The following ASAP3 variants were observed in gnomAD, a reference collection of about 807,000 sequenced individuals.
The protein encoded by ASAP3 is arf-GAP with SH3 domain, ANK repeat and PH domain-containing protein 3.
Under a neutral mutation model 118.2 loss-of-function variants are expected in ASAP3, and 85 were observed. The observed-to-expected ratio is 0.72, with a 90% CI of 0.60 to 0.86. The LOEUF (loss-of-function observed/expected upper bound fraction) is 0.86. ASAP3 is among the 40% of genes least tolerant of loss of function. The pLI, the probability that ASAP3 is intolerant of heterozygous loss-of-function variation, is 0.00. For missense variants in ASAP3, 1,026 were observed against 1,175.0 expected, an observed-to-expected ratio of 0.87 and a Z score of 1.85; for synonymous variants, 432 against 477.4, an observed-to-expected ratio of 0.90 and a Z score of 1.24.
At position 23,484,165 on chromosome 1, in the gene ASAP3, G is replaced by A. The variant is rs71514236; in HGVS notation, c.-32C>T. 0.66 allele frequency: 818,546 copies of A among 1,246,726 alleles called. 277,880 individuals are homozygous for A. The highest frequency in any genetic ancestry group is 0.69 in the Non-Finnish European group (687,852 of 996,132). 77.2% of individuals were successfully genotyped at this position (1,246,726 alleles called of 1,614,324 possible). A position where few individuals can be genotyped will look rare whatever the true frequency, so the allele number is the denominator to read the frequency against. On this transcript the variant is annotated 5_prime_UTR_variant, in exon 1 of 25. Transcript: ENST00000336689. ...CGCGAGCGTGGAGCTGCCGGAGCGG[G>A]GCGCGGGGGGCACTGAGCTGCTCCG...
chr1:23,447,512 G>A (rs1340057399), intron 5 of ASAP3, among the ~76,000 whole-genome samples: 8 of 152,106 alleles, frequency 5.3e-5, no homozygotes, highest in African/African-American at 1.9e-4. Flanking sequence ...CATCCACTGG[G>A]GGTCTCGGAA....
Position 23,483,989 on chromosome 1 carries a change from G to A in ASAP3, c.129+16C>T, listed in dbSNP as rs1570430278. 3 of 1,275,918 alleles carry A rather than the reference G, an allele frequency of 2.4e-6. No individual in the cohort carries two copies. Among genetic ancestry groups the A allele is most frequent in the South Asian group, 5.0e-5 (2 of 39,952 alleles). The allele number at this position is 1,275,918 out of a possible 1,614,324, so 79.0% of individuals were successfully genotyped here. A position where few individuals can be genotyped will look rare whatever the true frequency, so the allele number is the denominator to read the frequency against. The stretch of plus-strand genomic sequence containing the variant: ...CCGGCGCCGACCCCCGACCCCTCCC[G>A]CCTCGGCCCCCTCACCTCCTCCCGC... On this transcript the variant is annotated intron_variant, in intron 1 of 24. Coordinates refer to ENST00000336689, the MANE Select transcript of ASAP3 (RefSeq NM_017707.4).
intron 5 of ASAP3, among the ~76,000 whole-genome samples, chr1:23,445,278 C>T (rs1260299982): frequency 5.9e-5 from 9 of 152,026 alleles, no homozygotes; most frequent in Admixed American, 5.9e-4. Flanking sequence ...TTGCTTGAGC[C>T]CAGAAGTTCG....
intron 5 of ASAP3, among the ~76,000 whole-genome samples, chr1:23,450,586 C>A (rs1407225224): frequency 6.7e-6 from 1 of 148,384 alleles, no homozygotes. Context: ...ATGATGAAAA[C>A]TGCAATGTTA....
In ASAP3 at chr1:23,441,660, G is replaced by A; in HGVS notation, c.742C>T (p.His248Tyr). ...PFIEKLAASV[H>Y]ALHQAQEDEL... ...AAGGGTGAGACCCAACTTACTGCAT[G>A]TACTGAGGCCGCCAGCTTCTCGATG... The change falls in exon 8 of 25, where the codon CAT (histidine) becomes TAT (tyrosine). Residue 248 changes from histidine to tyrosine, a missense_variant. By Grantham distance (83) the His-to-Tyr change is moderately conservative. Transcript: ENST00000336689. 1 of 1,614,176 alleles carries A rather than the reference G, an allele frequency of 6.2e-7. No homozygotes were observed. Among genetic ancestry groups the A allele is most frequent in the Non-Finnish European group, 8.5e-7 (1 of 1,180,040 alleles).
At chr1:23,449,005 A>G (rs1321573966) in intron 5 of ASAP3, among the ~76,000 whole-genome samples, 1 of 152,088 alleles carries the variant, frequency 6.6e-6, no homozygotes, top group Non-Finnish European at 1.5e-5. Context: ...TCCCTGCCTC[A>G]TTCCTGCGAG....
chr1:23,430,579 G>A (rs372687711), intron 24 of ASAP3, among the ~76,000 whole-genome samples: 1 of 152,154 alleles, frequency 6.6e-6, no homozygotes, highest in Admixed American at 6.5e-5. Context: ...GCTGGTACAC[G>A]GCCACCTAAT....
At chr1:23,461,418 C>T (rs1641581746) in intron 1 of ASAP3, among the ~76,000 whole-genome samples, 1 of 151,840 alleles carries the variant, frequency 6.6e-6, no homozygotes, top group Non-Finnish European at 1.5e-5. Flanking sequence ...CGGCTGTAAT[C>T]TCACACTTTG....
intron 24 of ASAP3, among the ~76,000 whole-genome samples, chr1:23,430,530 A>C (rs976143890): frequency 8.5e-5 from 13 of 152,212 alleles, no homozygotes; most frequent in Admixed American, 6.5e-4. Context: ...TGTGGATTCC[A>C]GGAGACTCAT....
At chr1:23,459,230 A>G (rs1318385483) in intron 1 of ASAP3, among the ~76,000 whole-genome samples, 1 of 151,690 alleles carries the variant, frequency 6.6e-6, no homozygotes, top group Non-Finnish European at 1.5e-5. Context: ...CAAAATCCCT[A>G]GAGGGCAGAT....
chr1:23,456,973 G>C (rs1302029464), intron 1 of ASAP3, among the ~76,000 whole-genome samples: 1 of 152,216 alleles, frequency 6.6e-6, no homozygotes, highest in Non-Finnish European at 1.5e-5. Context: ...ATGGCAAGAA[G>C]CAAGTCTCAC....
rs774786020 is a variant in ASAP3, at chr1:23,437,497, G to A, written c.1103-25C>T. The A allele has an allele frequency of 8.1e-6, 13 of 1,613,756 alleles. No homozygotes were observed. The highest frequency in any genetic ancestry group is 6.6e-5 in the South Asian group (6 of 91,052). ...TCTGTCGGGAGAGAAGGGGGCTTCT[G>A]ACCCACAGAAATGCTGCTGGCCTTC... On this transcript the variant is annotated intron_variant, in intron 12 of 24. Transcript: ENST00000336689. This position sits in a 1 kb window ranked among gnomAD's most constrained non-coding sequence, Gnocchi z 6.1.
chr1:23,452,858 C>T lies in ASAP3; in HGVS notation c.349-87G>A, dbSNP rs531119872. The T allele has an allele frequency of 7.2e-4, 944 of 1,306,816 alleles. 10 individuals are homozygous for T. In the South Asian group the frequency reaches 9.5e-3, roughly 13 times the overall value. 81.0% of individuals were successfully genotyped at this position (1,306,816 alleles called of 1,614,324 possible). ...CGGTGTACAGTGAAGCATCACTTGG[C>T]AAAGAGAGCAGCGGGGAAGGGAAGT... On this transcript the variant is annotated intron_variant, in intron 3 of 24. Coordinates refer to ENST00000336689, the MANE Select transcript of ASAP3 (RefSeq NM_017707.4).
In ASAP3 at chr1:23,436,695, G is replaced by C; in HGVS notation, c.1477-41C>G. The C allele has an allele frequency of 6.2e-7, 1 of 1,610,916 alleles. No individual in the cohort carries two copies. Among genetic ancestry groups the C allele is most frequent in the Non-Finnish European group, 8.5e-7 (1 of 1,177,164 alleles). ...AATAGACGTGGGGCGGAGTAAGACC[G>C]GGCGGTTAAGCCTGCATAGGGTGGA... On this transcript the variant is annotated intron_variant, in intron 15 of 24. Coordinates refer to ENST00000336689, the MANE Select transcript of ASAP3 (RefSeq NM_017707.4). This position sits in a 1 kb window ranked among gnomAD's most constrained non-coding sequence, Gnocchi z 4.2.
At chr1:23,449,769 A>G (rs1641157787) in intron 5 of ASAP3, among the ~76,000 whole-genome samples, 1 of 152,194 alleles carries the variant, frequency 6.6e-6, no homozygotes, top group Non-Finnish European at 1.5e-5. Context: ...CCCCTTTCCC[A>G]TCAACTAAAT....
chr1:23,477,376 CAAAAAAAAAAA>C (rs11367585), intron 1 of ASAP3, among the ~76,000 whole-genome samples: 1 of 64,700 alleles, frequency 1.5e-5, no homozygotes, highest in Non-Finnish European at 2.8e-5. Context: ...GACTCCATCT[CAAAAAAAAAAA>C]AAAAAAAAAA....
At chr1:23,448,742 C>T (rs1386181373) in intron 5 of ASAP3, among the ~76,000 whole-genome samples, 2 of 152,218 alleles carry the variant, frequency 1.3e-5, no homozygotes, top group Non-Finnish European at 2.9e-5. Flanking sequence ...GCTAGGATTA[C>T]AGGCTCCTAG....
rs1247145449 is a variant in ASAP3 at position 23,439,223 on chromosome 1, T to G, written c.952A>C (p.Arg318=). ...CCACACTTCCTTTTCTGCCAGACTC[T>G]TCGAATTCTAAAGCCCAGAGGGATA... ...FLYKKSDGIR[R]VWQKRKCGVK... Residue 318 remains arginine, a synonymous_variant, in exon 11 of 25, where the codon AGA becomes CGA. Coordinates refer to ENST00000336689, the MANE Select transcript of ASAP3 (RefSeq NM_017707.4). 6.2e-7 allele frequency: 1 copy of G among 1,614,046 alleles called. No individual in the cohort carries two copies.
Position 23,436,934 on chromosome 1 carries a change from G to C in ASAP3, c.1453C>G (p.Leu485Val). ...FSRMQSLTLDLLGPSELLLAL... is the reference protein window; with the variant it reads ...FSRMQSLTLDVLGPSELLLAL... ...ACCAACAACTCGGAGGGGCCCAGCA[G>C]GTCCAAGGTGAGTGACTGCATGCGC... The change falls in exon 15 of 25, where the codon CTG (leucine) becomes GTG (valine). Residue 485 changes from leucine (L) to valine (V), a missense_variant. Leu to Val is a conservative substitution (Grantham distance 32). Transcript: ENST00000336689. This position sits in a 1 kb window ranked among gnomAD's most constrained non-coding sequence, Gnocchi z 4.2. 1 of 1,612,336 alleles carries C rather than the reference G, an allele frequency of 6.2e-7. No homozygotes were observed. The highest frequency in any genetic ancestry group is 1.3e-5 in the African/African-American group (1 of 75,024).
Sources: gnomAD v4.1 joint callset for allele counts (sites outside exome capture counted in the v4.1 genomes callset) on GRCh38, gnomAD v4.1.1 for gene constraint, Gnocchi (gnomAD v3.1) non-coding constraint, MANE v1.5 for transcripts, NCBI Gene and HGNC (gene_info 2026-07-23, HGNC 2026-07-21) for gene names.